The following SV2C variants were observed in gnomAD, a reference collection of about 807,000 sequenced individuals.
SV2C encodes synaptic vesicle glycoprotein 2C, also known as solute carrier family 22 member B3.
A neutral mutation model predicts 79.7 loss-of-function variants in SV2C; 49 were observed. That is an observed-to-expected ratio of 0.61 (90% confidence interval 0.49 to 0.78). SV2C has a LOEUF of 0.78. Ranked by LOEUF, SV2C falls within the 30% of genes least tolerant of loss-of-function variation. The pLI, the probability that SV2C is intolerant of heterozygous loss-of-function variation, is 0.00. For missense variants in SV2C, 833 were observed against 912.9 expected (o/e 0.91, Z 1.13); for synonymous variants, 334 against 333.2 (o/e 1.00, Z -0.03).
At chr5:76,063,248 A>C in the SV2C span, among the ~76,000 whole-genome samples, 90 of 152,094 alleles carry the variant, frequency 5.9e-4, no homozygotes, top group Middle Eastern at 3.4e-3. Flanking sequence ...TGTTTGTGAG[A>C]TTTCCTACAT....
At chr5:75,860,902 A>G in the SV2C span, among the ~76,000 whole-genome samples, 1 of 152,040 alleles carries the variant, frequency 6.6e-6, no homozygotes, top group South Asian at 2.1e-4. Flanking sequence ...ACTGAAACCG[A>G]CCCCCTACCT....
chr5:76,123,659 C>T (rs780525866), intron 1 of SV2C, among the ~76,000 whole-genome samples: 10 of 152,112 alleles, frequency 6.6e-5, no homozygotes, highest in Non-Finnish European at 1.3e-4. Context: ...CAGAAAAGGC[C>T]AAAGTTCAAC....
the SV2C span, among the ~76,000 whole-genome samples, chr5:75,868,903 A>G: frequency 6.6e-6 from 1 of 152,214 alleles, no homozygotes; most frequent in African/African-American, 2.4e-5. Context: ...TGCAGGGCGT[A>G]GGCTTTGCTT....
chr5:76,204,824 A>C (rs892574679), intron 3 of SV2C, among the ~76,000 whole-genome samples: 1 of 152,118 alleles, frequency 6.6e-6, no homozygotes, highest in Admixed American at 6.5e-5. Flanking sequence ...CATAATCCCC[A>C]CTGGGTTGCC....
At chr5:76,275,474 G>A (rs1746997647) in intron 4 of SV2C, among the ~76,000 whole-genome samples, 2 of 143,272 alleles carry the variant, frequency 1.4e-5, no homozygotes, top group East Asian at 2.0e-4. Context: ...GCAACAGAGC[G>A]AAAGTCTGTC....
At chr5:76,068,913 G>A in the SV2C span, among the ~76,000 whole-genome samples, 29,467 of 152,050 alleles carry the variant, frequency 0.19, 3,303 homozygotes, top group South Asian at 0.34. Context: ...ATAATATGTT[G>A]TATACAGGTT....
At chr5:76,054,850 T>C in the SV2C span, among the ~76,000 whole-genome samples, 2 of 152,114 alleles carry the variant, frequency 1.3e-5, no homozygotes, top group Non-Finnish European at 2.9e-5. Context: ...TGTTTGTTTG[T>C]TTTTTTCTTG....
At chr5:76,255,465 C>G (rs941017928) in intron 4 of SV2C, among the ~76,000 whole-genome samples, 1 of 152,180 alleles carries the variant, frequency 6.6e-6, no homozygotes, top group Non-Finnish European at 1.5e-5. Context: ...TCCTTTGTCC[C>G]TGGTTCTAGA....
chr5:76,110,809 G>A (rs1748072331), intron 1 of SV2C, among the ~76,000 whole-genome samples: 2 of 152,174 alleles, frequency 1.3e-5, no homozygotes, highest in African/African-American at 4.8e-5. Context: ...ATGCAGTGTT[G>A]CCTGCTTGCC....
At chr5:76,181,102 C>CG (rs1020330019) in intron 2 of SV2C, among the ~76,000 whole-genome samples, 1 of 151,920 alleles carries the variant, frequency 6.6e-6, no homozygotes, top group East Asian at 1.9e-4. Flanking sequence ...CAGCCATCCC[C>CG]CTACCTGTTC....
the SV2C span, among the ~76,000 whole-genome samples, chr5:75,903,952 A>T: frequency 6.6e-6 from 1 of 152,164 alleles, no homozygotes; most frequent in Non-Finnish European, 1.5e-5. Flanking sequence ...TTCCTCTTTT[A>T]TTCAAAGAAA....
chr5:76,105,784 C>T (rs886177581), intron 1 of SV2C, among the ~76,000 whole-genome samples: 5 of 152,126 alleles, frequency 3.3e-5, no homozygotes, highest in African/African-American at 1.2e-4. Context: ...AAATTGCAGT[C>T]TCTTGGTCTT....
At position 76,132,069 on chromosome 5, in the gene SV2C, G is replaced by T. The variant is rs564825385; in HGVS notation, c.319G>T (p.Val107Leu). The change falls in exon 2 of 13, where the codon GTG (valine) becomes TTG (leucine). Residue 107 changes from valine (V) to leucine (L), a missense_variant. Physicochemically the swap from Val to Leu is conservative, Grantham distance 32. Transcript: ENST00000502798. ...TATGAACCAAGCGAAGGACAGCATC[G>T]TGTCAGTGGGGCAGCCCAAGGGCGA... ...PSMNQAKDSI[V>L]SVGQPKGDEY... 6.2e-7 allele frequency: 1 copy of T among 1,612,234 alleles called. No individual in the cohort carries two copies.
At chr5:75,854,355 G>A in the SV2C span, among the ~76,000 whole-genome samples, 1 of 152,106 alleles carries the variant, frequency 6.6e-6, no homozygotes, top group African/African-American at 2.4e-5. Flanking sequence ...GTGGACAAAT[G>A]TTTTCATTTT....
At chr5:75,963,834 TA>T in the SV2C span, among the ~76,000 whole-genome samples, 1 of 152,140 alleles carries the variant, frequency 6.6e-6, no homozygotes, top group African/African-American at 2.4e-5. Context: ...CTATGTCTCT[TA>T]GTGTTTCTCT....
intron 4 of SV2C, chr5:76,242,469 T>C: frequency 3.7e-6 from 2 of 545,270 alleles, no homozygotes; most frequent in South Asian, 3.2e-5. Flanking sequence ...ATTACAGGCA[T>C]GAACCAATGC....
chr5:76,154,119 G>A (rs571423832), intron 2 of SV2C, among the ~76,000 whole-genome samples: 1 of 152,276 alleles, frequency 6.6e-6, no homozygotes, highest in South Asian at 2.1e-4. Flanking sequence ...AAAGCATCTA[G>A]TACTAGAACA....
the SV2C span, among the ~76,000 whole-genome samples, chr5:75,956,235 T>C: frequency 6.9e-6 from 1 of 145,132 alleles, no homozygotes; most frequent in Non-Finnish European, 1.5e-5. Flanking sequence ...GATGAGTTCA[T>C]GTCCTTTGTA....
intron 2 of SV2C, among the ~76,000 whole-genome samples, chr5:76,175,135 G>C (rs1389865498): frequency 1.3e-5 from 2 of 152,128 alleles, no homozygotes; most frequent in Non-Finnish European, 1.5e-5. Context: ...CAAATGAAGA[G>C]GTCAGTTCCC....
Sources: allele counts gnomAD v4.1 joint callset (sites outside exome capture counted in the v4.1 genomes callset), GRCh38; gene constraint gnomAD v4.1.1; transcripts MANE v1.5; gene names NCBI Gene and HGNC (gene_info 2026-07-23, HGNC 2026-07-21).